NSD3: variants seen among roughly 807,000 people sequenced by gnomAD.
The protein encoded by NSD3 is nuclear receptor binding SET domain protein 3.
NSD3 carries 24 observed loss-of-function variants against 160.8 expected under a neutral mutation model. That is an observed-to-expected ratio of 0.15 (90% confidence interval 0.11 to 0.21). The LOEUF is 0.21. NSD3 is among the 10% of genes least tolerant of loss of function. NSD3 has a pLI of 1.00. For synonymous variants in NSD3, 520 were observed against 600.0 expected, an observed-to-expected ratio of 0.87 and a Z score of 1.95; for missense variants, 1,157 against 1,735.9, an observed-to-expected ratio of 0.67 and a Z score of 5.93.
At chr8:38,363,639 C>CAAAAA (rs768805402) in intron 1 of NSD3, among the ~76,000 whole-genome samples, 4 of 48,706 alleles carry the variant, frequency 8.2e-5, no homozygotes, top group Admixed American at 2.2e-4. Context: ...GACTCCGTCT[C>CAAAAA]AAAAAAAAAA....
In NSD3 at chr8:38,304,680, C is replaced by T. The variant is rs773662274; in HGVS notation, c.2518G>A (p.Val840Ile). 5 of 1,613,994 alleles carry T rather than the reference C, an allele frequency of 3.1e-6. No homozygotes were observed. The Admixed American group carries it at 5.0e-5, about 16-fold the overall frequency. The change falls in exon 14 of 24, where the codon GTA becomes ATA. Residue 840 changes from valine (V) to isoleucine (I), a missense_variant. Transcript: ENST00000317025. ...CTACAGATGAGAATGTAGGAGGATA[C>T]TAACATGCTTCCGGCCGCAATGCAA... ...DACIAAGSML[V>I]SSYILICSNH...
Position 38,271,485 on chromosome 8 carries a change from A to G in NSD3, c.*4156T>C, listed in dbSNP as rs1247327117. 4 of 152,006 alleles carry G rather than the reference A, an allele frequency of 2.6e-5. No individual in the cohort carries two copies. The allele number at this position is 152,006 out of a possible 1,614,324, so 9.4% of individuals were successfully genotyped here. On this transcript the variant is annotated 3_prime_UTR_variant, in exon 24 of 24. Transcript: ENST00000317025. ...GTAAAAGTTGGTGAGATTTCAGTATATACACATTTCCAACTTTTCAGTATT... is the reference window on the plus strand; with the variant it reads ...GTAAAAGTTGGTGAGATTTCAGTATGTACACATTTCCAACTTTTCAGTATT...
intron 1 of NSD3, among the ~76,000 whole-genome samples, chr8:38,377,428 G>C (rs1811421627): frequency 6.6e-6 from 1 of 152,034 alleles, no homozygotes. Context: ...AGCTTACTGC[G>C]GCTTTCCCCC....
chr8:38,276,649 C>T, intron 22 of NSD3, 149 bp from the exon 23 acceptor site: 1 of 757,656 alleles, frequency 1.3e-6, no homozygotes, highest in Non-Finnish European at 2.1e-6. Context: ...GCAACAAATA[C>T]TATAACAAAA....
chr8:38,276,025 G>C, intron 23 of NSD3, 143 bp from the exon 24 acceptor site: 4 of 845,030 alleles, frequency 4.7e-6, no homozygotes, highest in Non-Finnish European at 7.2e-6. Flanking sequence ...ACCAAACATA[G>C]ATCTGGGTGT....
At chr8:38,334,990 T>C (rs1810179226) in intron 4 of NSD3, among the ~76,000 whole-genome samples, 1 of 149,464 alleles carries the variant, frequency 6.7e-6, no homozygotes, top group Admixed American at 6.6e-5. Flanking sequence ...AATTTTTTTT[T>C]TTTTTTTTTT....
Position 38,321,194 on chromosome 8 carries a change from C to T in NSD3, c.1709-22G>A. The T allele has an allele frequency of 6.3e-7, 1 of 1,593,610 alleles. No homozygotes were observed. The highest frequency in any genetic ancestry group is 8.6e-7 in the Non-Finnish European group (1 of 1,169,252). On this transcript the variant is annotated intron_variant, in intron 7 of 23. Coordinates refer to ENST00000317025, the MANE Select transcript of NSD3 (RefSeq NM_023034.2). This position sits in a 1 kb window ranked among gnomAD's most constrained non-coding sequence, Gnocchi z 4.7. Reference sequence around the variant, plus strand: ...GAGCCTAAGAAATGATTTAAACACACAAACAAAAACTCACTTAAGGATACC... The same window carrying T: ...GAGCCTAAGAAATGATTTAAACACATAAACAAAAACTCACTTAAGGATACC...
chr8:38,354,614 T>C (rs1484787575), intron 1 of NSD3, among the ~76,000 whole-genome samples: 1 of 152,196 alleles, frequency 6.6e-6, no homozygotes, highest in East Asian at 1.9e-4. Flanking sequence ...AAAAGGTATA[T>C]ATACCTAGAG....
chr8:38,343,123 G>A (rs1402673013), intron 2 of NSD3, among the ~76,000 whole-genome samples: 5 of 151,804 alleles, frequency 3.3e-5, no homozygotes, highest in Non-Finnish European at 7.4e-5. Flanking sequence ...TTGAACCCGG[G>A]AGGCAAGAGG....
Position 38,273,462 on chromosome 8 carries a change from T to C in NSD3, c.*2179A>G, listed in dbSNP as rs1808532799. ...CCTAAGGTATCTGTAGTATATAGGA[T>C]GTACCCTGGCTTACCATAGAAAAGT... On this transcript the variant is annotated 3_prime_UTR_variant, in exon 24 of 24. Transcript: ENST00000317025. 6.6e-6 allele frequency: 1 copy of C among 152,164 alleles called. No homozygotes were observed. The highest frequency in any genetic ancestry group is 6.5e-5 in the Admixed American group (1 of 15,280). 9.4% of individuals were successfully genotyped at this position (152,164 alleles called of 1,614,324 possible).
chr8:38,337,141 T>C (rs964274200), intron 4 of NSD3, among the ~76,000 whole-genome samples, 164 bp downstream of exon 4: 2 of 129,416 alleles, frequency 1.5e-5, no homozygotes, highest in Non-Finnish European at 3.2e-5. Context: ...AAACTCCGTC[T>C]CAAAAAAAAA....
intron 1 of NSD3, among the ~76,000 whole-genome samples, chr8:38,380,104 T>C (rs1811498885): frequency 1.3e-5 from 2 of 152,154 alleles, no homozygotes; most frequent in South Asian, 2.1e-4. Context: ...TCACAGATCA[T>C]TGCACTGTGC....
intron 8 of NSD3, chr8:38,320,376 A>G (rs1266129090): frequency 1.3e-5 from 2 of 152,194 alleles, no homozygotes; most frequent in Admixed American, 6.5e-5. Flanking sequence ...CAAAAAAATT[A>G]AGAAAAAATC....
intron 1 of NSD3, among the ~76,000 whole-genome samples, chr8:38,374,268 AC>A (rs1811332173): frequency 6.6e-6 from 1 of 152,100 alleles, no homozygotes; most frequent in Non-Finnish European, 1.5e-5. Context: ...AGAGAGCAAG[AC>A]CCTGTCTCTA....
Position 38,319,091 on chromosome 8 carries a change from T to C in NSD3, c.1810-151A>G. ...CAGTCCCATCTTTTGGGTAAAGTTC[T>C]CTGTCTCAAGATCAGGGAGGGTTTA... On this transcript the variant is annotated intron_variant, in intron 8 of 23. Coordinates refer to ENST00000317025, the MANE Select transcript of NSD3 (RefSeq NM_023034.2). The surrounding 1 kb of genome is among the most constrained non-coding windows in gnomAD (Gnocchi z 4.1). 2.8e-6 allele frequency: 2 copies of C among 706,026 alleles called. No individual in the cohort carries two copies. The highest frequency in any genetic ancestry group is 4.8e-6 in the Non-Finnish European group (2 of 419,882). The allele number at this position is 706,026 out of a possible 1,614,324, so 43.7% of individuals were successfully genotyped here. A position where few individuals can be genotyped will look rare whatever the true frequency, so the allele number is the denominator to read the frequency against.
chr8:38,344,753 T>C (rs994131397), intron 2 of NSD3, among the ~76,000 whole-genome samples: 5 of 152,186 alleles, frequency 3.3e-5, no homozygotes, highest in Admixed American at 6.5e-5. Context: ...CATTTTTCAT[T>C]ATGTTTCCCT....
intron 1 of NSD3, among the ~76,000 whole-genome samples, chr8:38,358,587 C>G (rs1585921002): frequency 3.3e-5 from 5 of 152,102 alleles, no homozygotes; most frequent in Admixed American, 3.3e-4. Context: ...TGTTAAAAAA[C>G]TAGAGGGTCA....
Position 38,273,788 on chromosome 8 carries a change from T to C in NSD3, c.*1853A>G, listed in dbSNP as rs1310619464. The stretch of plus-strand genomic sequence containing the variant: ...TGGATCGCATTTTCCATTTTGCTCT[T>C]TCTTTTGGGACCATATCTAATCAAC... On this transcript the variant is annotated 3_prime_UTR_variant, in exon 24 of 24. Transcript: ENST00000317025. 12 of 152,212 alleles carry C rather than the reference T, an allele frequency of 7.9e-5. No individual in the cohort carries two copies. The highest frequency in any genetic ancestry group is 3.9e-4 in the Admixed American group (6 of 15,276). 9.4% of individuals were successfully genotyped at this position (152,212 alleles called of 1,614,324 possible). A position where few individuals can be genotyped will look rare whatever the true frequency, so the allele number is the denominator to read the frequency against.
intron 12 of NSD3, among the ~76,000 whole-genome samples, chr8:38,307,126 A>AAAT (rs1213483527): frequency 7.0e-6 from 1 of 143,372 alleles, no homozygotes; most frequent in South Asian, 2.2e-4. Context: ...AAAAAAAAAA[A>AAAT]AATAAAATAA....
Sources: allele counts gnomAD v4.1 joint callset (sites outside exome capture counted in the v4.1 genomes callset), GRCh38; gene constraint gnomAD v4.1.1; non-coding constraint Gnocchi (gnomAD v3.1); transcripts MANE v1.5; gene names NCBI Gene and HGNC (gene_info 2026-07-23, HGNC 2026-07-21).